Variants in HNRNPUL1 observed in about 807,000 individuals in gnomAD.
The protein encoded by HNRNPUL1 is heterogeneous nuclear ribonucleoprotein U like 1, also known as heterogeneous nuclear ribonucleoprotein U-like protein 1.
Under a neutral mutation model 108.5 loss-of-function variants are expected in HNRNPUL1, and 14 were observed. The observed-to-expected ratio is 0.13, with a 90% CI of 0.09 to 0.20. The LOEUF is 0.20. HNRNPUL1 is among the 10% of genes least tolerant of loss of function. HNRNPUL1 has a pLI of 1.00. For missense variants in HNRNPUL1, 804 were observed against 1,168.3 expected (o/e 0.69, Z 4.55); for synonymous variants, 422 against 445.2 (o/e 0.95, Z 0.66).
chr19:41,277,480 C>T (rs924201882), intron 5 of HNRNPUL1, among the ~76,000 whole-genome samples: 5 of 152,138 alleles, frequency 3.3e-5, no homozygotes, highest in Non-Finnish European at 7.4e-5. Context: ...ACAAAATAAA[C>T]TACGCAGTGT....
Position 41,306,600 on chromosome 19 carries a change from C to A in HNRNPUL1, c.*35C>A. 2.2e-6 allele frequency: 3 copies of A among 1,356,708 alleles called. No individual in the cohort carries two copies. Among genetic ancestry groups the A allele is most frequent in the Non-Finnish European group, 3.0e-6 (3 of 1,009,388 alleles). 84.0% of individuals were successfully genotyped at this position (1,356,708 alleles called of 1,614,324 possible). A position where few individuals can be genotyped will look rare whatever the true frequency, so the allele number is the denominator to read the frequency against. ...CCCAGAGGCTCCCGGAGGCCCCTGC[C>A]GGCTTCCTCCACCAGCGCCTGCCTC... On this transcript the variant is annotated 3_prime_UTR_variant, in exon 15 of 15. Transcript: ENST00000392006.
At chr19:41,269,545 G>C (rs2035086280) in intron 2 of HNRNPUL1, among the ~76,000 whole-genome samples, 1 of 148,680 alleles carries the variant, frequency 6.7e-6, no homozygotes, top group Non-Finnish European at 1.5e-5. Flanking sequence ...GCTCATGCTT[G>C]TAATCCTAGC....
At chr19:41,279,415 G>A (rs770237789) in intron 6 of HNRNPUL1, among the ~76,000 whole-genome samples, 5 of 152,154 alleles carry the variant, frequency 3.3e-5, no homozygotes, top group Non-Finnish European at 7.4e-5. Context: ...CATCTTTTAG[G>A]AGAGGGTCCA....
At chr19:41,279,865 C>A (rs1333067191) in intron 6 of HNRNPUL1, among the ~76,000 whole-genome samples, 1 of 152,190 alleles carries the variant, frequency 6.6e-6, no homozygotes, top group Non-Finnish European at 1.5e-5. Context: ...GTCTTCTGGA[C>A]ATTTATTTTT....
In HNRNPUL1 at chr19:41,281,179, C is replaced by T. The variant is rs769649013; in HGVS notation, c.903C>T (p.Ser301=). 1.2e-6 allele frequency: 2 copies of T among 1,613,836 alleles called. No individual in the cohort carries two copies. Among genetic ancestry groups the T allele is most frequent in the Non-Finnish European group, 1.7e-6 (2 of 1,179,722 alleles). The change falls in exon 7 of 15, where the codon TCC becomes TCT. Residue 301 remains serine, a synonymous_variant. Coordinates refer to ENST00000392006, the MANE Select transcript of HNRNPUL1 (RefSeq NM_007040.6). ...CSTQLGEEPF[S]YGYGGTGKKS... ...TTCCGTCAGGCGAAGAGCCTTTCTC[C>T]TATGGCTATGGAGGCACTGGGAAGA...
At chr19:41,280,615 A>G in intron 6 of HNRNPUL1, among the ~76,000 whole-genome samples, 1 of 152,098 alleles carries the variant, frequency 6.6e-6, no homozygotes, top group Admixed American at 6.5e-5. Flanking sequence ...TGCTTTTCTA[A>G]CAGCATACTC....
intron 6 of HNRNPUL1, 109 bp from the exon 7 acceptor site, chr19:41,281,054 A>G: frequency 4.2e-6 from 3 of 717,834 alleles, no homozygotes; most frequent in Non-Finnish European, 7.3e-6. Flanking sequence ...GATTAATAAA[A>G]CTAGTAAAGA....
Position 41,294,803 on chromosome 19 carries a change from A to T in HNRNPUL1, c.1518+117A>T. The T allele has an allele frequency of 8.0e-7, 1 of 1,256,468 alleles. No individual in the cohort carries two copies. Among genetic ancestry groups the T allele is most frequent in the South Asian group, 1.3e-5 (1 of 75,144 alleles). The allele number at this position is 1,256,468 out of a possible 1,614,324, so 77.8% of individuals were successfully genotyped here. A position where few individuals can be genotyped will look rare whatever the true frequency, so the allele number is the denominator to read the frequency against. On this transcript the variant is annotated intron_variant, in intron 10 of 14. Coordinates refer to ENST00000392006, the MANE Select transcript of HNRNPUL1 (RefSeq NM_007040.6). This position sits in a 1 kb window ranked among gnomAD's most constrained non-coding sequence, Gnocchi z 4.3. ...CGTAATGATGATGGACTGCTGTGCT[A>T]GTCGGGGGGGTCAGACCTTGTCATA... is the stretch of plus-strand genomic sequence containing the variant.
upstream of HNRNPUL1, chr19:41,262,564 C>G (rs1351663243): frequency 1.3e-5 from 2 of 152,498 alleles, no homozygotes; most frequent in East Asian, 1.9e-4. Context: ...GGTGTCTGGA[C>G]TGGAACCTCT....
Position 41,294,544 on chromosome 19 carries a change from A to C in HNRNPUL1, c.1390-14A>C, listed in dbSNP as rs1167178180. Reference sequence around the variant, plus strand: ...AACTAAAATCACTCACCCCTCACCAATTCCTGCCCGCAGGTGATGGGCCTA... The same window carrying C: ...AACTAAAATCACTCACCCCTCACCACTTCCTGCCCGCAGGTGATGGGCCTA... On this transcript the variant is annotated splice_polypyrimidine_tract_variant and intron_variant, in intron 9 of 14. Coordinates refer to ENST00000392006, the MANE Select transcript of HNRNPUL1 (RefSeq NM_007040.6). The surrounding 1 kb of genome is among the most constrained non-coding windows in gnomAD (Gnocchi z 4.3). 36 of 1,613,856 alleles carry C rather than the reference A, an allele frequency of 2.2e-5. No individual in the cohort carries two copies. The highest frequency in any genetic ancestry group is 3.1e-5 in the Non-Finnish European group (36 of 1,179,840).
chr19:41,295,922 G>A (rs889763062), intron 10 of HNRNPUL1, among the ~76,000 whole-genome samples: 1 of 152,194 alleles, frequency 6.6e-6, no homozygotes, highest in Non-Finnish European at 1.5e-5. Context: ...CTCATATTGT[G>A]TACAATCAGT....
chr19:41,271,562 T>C (rs1035174566), intron 2 of HNRNPUL1, among the ~76,000 whole-genome samples: 4 of 152,152 alleles, frequency 2.6e-5, no homozygotes, highest in Non-Finnish European at 4.4e-5. Context: ...ACATCTGTGG[T>C]TTGCTCTTGG....
chr19:41,305,500 T>TGGAGCTGCCCTGG (rs1268627423), intron 13 of HNRNPUL1, 176 bp from the exon 14 acceptor site: 2 of 769,194 alleles, frequency 2.6e-6, no homozygotes, highest in Non-Finnish European at 4.2e-6. Context: ...CATCCTGCCC[T>TGGAGCTGCCCTGG]ACCATGGCAT....
rs2034754122 is a variant in HNRNPUL1, at chr19:41,265,250, A to G, written c.295+452A>G. ...GGGAGCCGTGTTTCCAGGGTGGGGAAGGAATGTCCAGGTGTGCGGGGCTGC... is the reference window on the plus strand; with the variant it reads ...GGGAGCCGTGTTTCCAGGGTGGGGAGGGAATGTCCAGGTGTGCGGGGCTGC... On this transcript the variant is annotated intron_variant, in intron 1 of 14. Coordinates refer to ENST00000392006, the MANE Select transcript of HNRNPUL1 (RefSeq NM_007040.6). 5 of 1,472,910 alleles carry G rather than the reference A, an allele frequency of 3.4e-6. No individual in the cohort carries two copies. The Admixed American group carries it at 6.2e-5, about 18-fold the overall frequency. The allele number at this position is 1,472,910 out of a possible 1,614,324, so 91.2% of individuals were successfully genotyped here.
At chr19:41,303,934 G>A (rs1308104388) in intron 12 of HNRNPUL1, 38 bp from the exon 13 acceptor site, 1 of 1,575,396 alleles carries the variant, frequency 6.3e-7, no homozygotes, top group East Asian at 2.2e-5. Context: ...TGCCATTTGG[G>A]AATGATGGCG....
chr19:41,277,104 AAAAAC>A (rs1446309865), intron 5 of HNRNPUL1, among the ~76,000 whole-genome samples: 1 of 147,628 alleles, frequency 6.8e-6, no homozygotes, highest in Admixed American at 6.7e-5. Context: ...CTCAAAAAAA[AAAAAC>A]AAAAAAACAA....
At chr19:41,265,648 A>G (rs2034788422) in intron 1 of HNRNPUL1, among the ~76,000 whole-genome samples, 1 of 151,754 alleles carries the variant, frequency 6.6e-6, no homozygotes, top group Admixed American at 6.6e-5. Flanking sequence ...GGGGGTCTAG[A>G]GCTAAGAAAA....
chr19:41,281,095 T>C (rs756146525), intron 6 of HNRNPUL1, 68 bp from the exon 7 acceptor site: 63 of 919,376 alleles, frequency 6.9e-5, no homozygotes, highest in Non-Finnish European at 9.4e-5. Context: ...AATAAAAGTA[T>C]GTGGCAGCCA....
At chr19:41,266,163 A>G (rs1471809472) in intron 1 of HNRNPUL1, among the ~76,000 whole-genome samples, 1 of 152,106 alleles carries the variant, frequency 6.6e-6, no homozygotes, top group African/African-American at 2.4e-5. Context: ...GGCCGAGTGC[A>G]GTGGCTCACG....
Sources: allele counts gnomAD v4.1 joint callset (sites outside exome capture counted in the v4.1 genomes callset), GRCh38; gene constraint gnomAD v4.1.1; non-coding constraint Gnocchi (gnomAD v3.1); transcripts MANE v1.5; gene names NCBI Gene and HGNC (gene_info 2026-07-23, HGNC 2026-07-21).